The following ADAMTS12 variants were observed in gnomAD, a reference collection of about 807,000 sequenced individuals.
ADAMTS12 encodes ADAM metallopeptidase with thrombospondin type 1 motif 12.
A neutral mutation model predicts 167.8 loss-of-function variants in ADAMTS12; 118 were observed. The ratio of observed to expected loss-of-function variants is 0.70; its 90% confidence interval spans 0.61 to 0.82. The LOEUF (loss-of-function observed/expected upper bound fraction) is 0.82, where lower values mean the gene tolerates loss of function less well. Among genes scored for constraint, ADAMTS12 ranks in the 40% least tolerant of loss-of-function variants. ADAMTS12 has a pLI of 0.00. For missense variants in ADAMTS12, 1,916 were observed against 1,998.8 expected, an observed-to-expected ratio of 0.96 and a Z score of 0.79; for synonymous variants, 704 against 716.9, an observed-to-expected ratio of 0.98 and a Z score of 0.29.
At chr5:33,704,790 T>C (rs1168437990) in intron 3 of ADAMTS12, among the ~76,000 whole-genome samples, 1 of 152,238 alleles carries the variant, frequency 6.6e-6, no homozygotes, top group East Asian at 1.9e-4. Context: ...TCAAATGTCT[T>C]CCATTTTGTT....
At chr5:33,686,845 T>A (rs565457966) in intron 3 of ADAMTS12, among the ~76,000 whole-genome samples, 16 of 149,986 alleles carry the variant, frequency 1.1e-4, no homozygotes, top group African/African-American at 3.7e-4. Context: ...TGCTGTGTCC[T>A]CATCTGTCTC....
intron 2 of ADAMTS12, among the ~76,000 whole-genome samples, chr5:33,834,909 A>T (rs946225291): frequency 6.6e-6 from 1 of 152,208 alleles, no homozygotes; most frequent in African/African-American, 2.4e-5. Context: ...AATATCCTTG[A>T]GAATGGTGGA....
At chr5:33,761,662 C>T (rs1308184290) in intron 2 of ADAMTS12, among the ~76,000 whole-genome samples, 1 of 152,174 alleles carries the variant, frequency 6.6e-6, no homozygotes, top group Admixed American at 6.5e-5. Context: ...TATACCCACA[C>T]CCGCTGTCTC....
chr5:33,872,070 AC>A (rs979875663), intron 2 of ADAMTS12, among the ~76,000 whole-genome samples: 3 of 152,132 alleles, frequency 2.0e-5, no homozygotes, highest in African/African-American at 7.2e-5. Context: ...ATAATTAATA[AC>A]CCTCCAAAAG....
rs1746724139 is a variant in ADAMTS12, at chr5:33,576,456, T to C, written c.3570A>G (p.Glu1190=). 5.0e-6 allele frequency: 8 copies of C among 1,610,102 alleles called. 1 individual carries two copies. The highest frequency in any genetic ancestry group is 3.3e-4 in the Middle Eastern group (2 of 6,032). The stretch of plus-strand genomic sequence containing the variant: ...GAGGTGCAAGTGGCATTTCTGTACT[T>C]TCCACTGGAGCGTCATTTCCAGGTA... ...IRVPGNDAPV[E]STEMPLAPPL... is the part of the protein sequence containing the mutation. Residue 1190 remains glutamate, a synonymous_variant, in exon 19 of 24, where the codon GAA becomes GAG. Coordinates refer to ENST00000504830, the MANE Select transcript of ADAMTS12 (RefSeq NM_030955.4).
In ADAMTS12 at chr5:33,754,940, T is replaced by C. The variant is rs2112397476; in HGVS notation, c.490-3392A>G. On this transcript the variant is annotated intron_variant, in intron 2 of 23. Transcript: ENST00000504830. ...TAAAAACTGTTTTAAATAAACTTTA[T>C]TTTGAAGCATTATAAACATATGGAG... is the stretch of plus-strand genomic sequence containing the variant. Among the ~76,000 whole-genome samples, 3 of 152,334 alleles carry C rather than the reference T, an allele frequency of 2.0e-5. No individual in the cohort carries two copies. The East Asian group carries it at 5.8e-4, about 29-fold the overall frequency.
intron 17 of ADAMTS12, among the ~76,000 whole-genome samples, chr5:33,591,081 A>AGTGTGT (rs34067228): frequency 4.3e-5 from 5 of 115,412 alleles, no homozygotes; most frequent in South Asian, 2.8e-4. Context: ...TAAATGTCTA[A>AGTGTGT]GTGTGTGTGT....
intron 14 of ADAMTS12, among the ~76,000 whole-genome samples, chr5:33,621,712 A>C (rs1039627576): frequency 6.6e-6 from 1 of 152,214 alleles, no homozygotes; most frequent in African/African-American, 2.4e-5. Flanking sequence ...CTGCAGGCCA[A>C]TATCTCATGA....
chr5:33,850,052 C>T (rs966144833), intron 2 of ADAMTS12, among the ~76,000 whole-genome samples: 1 of 152,016 alleles, frequency 6.6e-6, no homozygotes, highest in African/African-American at 2.4e-5. Context: ...TATTATAAAA[C>T]GAAGGGGGAA....
At chr5:33,684,770 G>A (rs1742263844) in intron 3 of ADAMTS12, among the ~76,000 whole-genome samples, 1 of 152,172 alleles carries the variant, frequency 6.6e-6, no homozygotes, top group Non-Finnish European at 1.5e-5. Flanking sequence ...GATACATGAG[G>A]GTCATGGTTT....
intron 3 of ADAMTS12, among the ~76,000 whole-genome samples, chr5:33,695,679 C>T (rs572050411): frequency 1.1e-4 from 16 of 152,060 alleles, no homozygotes; most frequent in Non-Finnish European, 2.2e-4. Flanking sequence ...ATGCTGGTTG[C>T]CTGAGGATGG....
At chr5:33,842,893 A>T (rs1748795575) in intron 2 of ADAMTS12, among the ~76,000 whole-genome samples, 1 of 152,242 alleles carries the variant, frequency 6.6e-6, no homozygotes, top group Non-Finnish European at 1.5e-5. Flanking sequence ...ACACTAAGGT[A>T]GAGCTGGGAA....
At chr5:33,743,394 G>A (rs1425273348) in intron 3 of ADAMTS12, among the ~76,000 whole-genome samples, 1 of 152,196 alleles carries the variant, frequency 6.6e-6, no homozygotes, top group Admixed American at 6.5e-5. Flanking sequence ...AACTATGTAT[G>A]CTCTAGGCTC....
chr5:33,874,119 T>C (rs558081734), intron 2 of ADAMTS12, among the ~76,000 whole-genome samples: 1 of 152,316 alleles, frequency 6.6e-6, no homozygotes, highest in East Asian at 1.9e-4. Context: ...TGAAACACAC[T>C]ATTTAGGGAA....
At chr5:33,569,470 G>C (rs1746197160) in intron 19 of ADAMTS12, among the ~76,000 whole-genome samples, 1 of 152,248 alleles carries the variant, frequency 6.6e-6, no homozygotes, top group African/African-American at 2.4e-5. Flanking sequence ...CACCGCTGCT[G>C]ATACCCAGGC....
chr5:33,599,014 T>C (rs1455073009), intron 16 of ADAMTS12, among the ~76,000 whole-genome samples: 1 of 152,188 alleles, frequency 6.6e-6, no homozygotes, highest in East Asian at 1.9e-4. Flanking sequence ...AGGTCAACAG[T>C]CAGCCCCAGA....
intron 19 of ADAMTS12, among the ~76,000 whole-genome samples, chr5:33,569,159 G>T (rs547933868): frequency 1.3e-5 from 2 of 152,238 alleles, no homozygotes; most frequent in Non-Finnish European, 2.9e-5. Context: ...CTCCACTTCT[G>T]GGGGCAGGGC....
intron 13 of ADAMTS12, among the ~76,000 whole-genome samples, chr5:33,626,187 T>C (rs1010798230): frequency 6.6e-6 from 1 of 150,838 alleles, no homozygotes; most frequent in African/African-American, 2.4e-5. Context: ...GTGGTAATGA[T>C]GGTGAAGGTG....
At chr5:33,719,900 C>T (rs1743747662) in intron 3 of ADAMTS12, among the ~76,000 whole-genome samples, 1 of 152,164 alleles carries the variant, frequency 6.6e-6, no homozygotes, top group South Asian at 2.1e-4. Flanking sequence ...AAATGGAAAC[C>T]AAAGAGAAAT....
Sources: allele counts gnomAD v4.1 joint callset (sites outside exome capture counted in the v4.1 genomes callset), GRCh38; gene constraint gnomAD v4.1.1; transcripts MANE v1.5; gene names NCBI Gene and HGNC (gene_info 2026-07-23, HGNC 2026-07-21).